IL15RA: variants seen among roughly 807,000 people sequenced by gnomAD.
IL15RA encodes interleukin-15 receptor subunit alpha.
In IL15RA, 26 loss-of-function variants were observed where a neutral mutation model predicts 24.2. The ratio of observed to expected loss-of-function variants is 1.07; its 90% confidence interval spans 0.79 to 1.49. The LOEUF (loss-of-function observed/expected upper bound fraction) is 1.49. Ranked by LOEUF, IL15RA falls within the 40% of genes most tolerant of loss-of-function variation. The probability of loss-of-function intolerance (pLI) is 0.00; values close to 1 mark genes in which losing one functional copy is unlikely to be tolerated. For synonymous variants in IL15RA, 166 were observed against 157.6 expected, an observed-to-expected ratio of 1.05 and a Z score of -0.40; for missense variants, 354 against 356.4, an observed-to-expected ratio of 0.99 and a Z score of 0.05.
chr10:5,965,332 G>C lies in IL15RA; in HGVS notation c.283+813C>G, dbSNP rs1427407574. On this transcript the variant is annotated intron_variant, in intron 2 of 6. Coordinates refer to ENST00000379977, the MANE Select transcript of IL15RA (RefSeq NM_002189.4). The surrounding 1 kb of genome is among the most constrained non-coding windows in gnomAD (Gnocchi z 5.8). The stretch of plus-strand genomic sequence containing the variant: ...TGCTCCAGGGCCTGTGCCCATCCCC[G>C]GGGCTGGGTACTGAGAGAGGAGCAG... 6.6e-6 allele frequency among the ~76,000 whole-genome samples: 1 copy of C among 152,206 alleles called. No homozygotes were observed. The highest frequency in any genetic ancestry group is 1.9e-4 in the East Asian group (1 of 5,200).
At position 5,957,591 on chromosome 10, in the gene IL15RA, TTC is replaced by T. The variant is rs1257226572; in HGVS notation, c.617-1139_617-1138del. 1.3e-4 allele frequency among the ~76,000 whole-genome samples: 15 copies of T among 113,716 alleles called. No homozygotes were observed. In the East Asian group the frequency reaches 1.4e-3, roughly 10 times the overall value. The allele number at this position is 113,716 out of a possible 152,430, so 74.6% of individuals were successfully genotyped here. A position where few individuals can be genotyped will look rare whatever the true frequency, so the allele number is the denominator to read the frequency against. On this transcript the variant is annotated intron_variant, in intron 5 of 6. Transcript: ENST00000379977. The stretch of plus-strand genomic sequence containing the variant: ...GCCTGGCCAACTTTTTCTTTTCTTC[TTC>T]TTTTTTTTTTTTTTTCTGCGACGGA...
Position 5,962,730 on chromosome 10 carries a change from C to G in IL15RA, c.382+1013G>C, listed in dbSNP as rs1835809495. 6.6e-6 allele frequency among the ~76,000 whole-genome samples: 1 copy of G among 152,128 alleles called. No individual in the cohort carries two copies. Among genetic ancestry groups the G allele is most frequent in the Non-Finnish European group, 1.5e-5 (1 of 68,030 alleles). On this transcript the variant is annotated intron_variant, in intron 3 of 6. Coordinates refer to ENST00000379977, the MANE Select transcript of IL15RA (RefSeq NM_002189.4). The surrounding 1 kb of genome is among the most constrained non-coding windows in gnomAD (Gnocchi z 5.2). ...GACACTCCGCAAAGGATGGCTGAGT[C>G]CTGTAGTATGAATGACAACAGACAG...
downstream of IL15RA, among the ~76,000 whole-genome samples, chr10:5,951,274 G>T (rs1380255295): frequency 1.3e-5 from 2 of 151,532 alleles, no homozygotes; most frequent in South Asian, 4.2e-4. Flanking sequence ...AGTGAGCCAA[G>T]ATTGCATCAC....
Position 5,958,167 on chromosome 10 carries a change from C to A in IL15RA, c.616+1587G>T, listed in dbSNP as rs1445108187. 3.1e-6 allele frequency: 1 copy of A among 325,918 alleles called. No individual in the cohort carries two copies. The highest frequency in any genetic ancestry group is 2.4e-5 in the South Asian group (1 of 42,168). The allele number at this position is 325,918 out of a possible 1,614,324, so 20.2% of individuals were successfully genotyped here. A position where few individuals can be genotyped will look rare whatever the true frequency, so the allele number is the denominator to read the frequency against. ...TGGAATATTCTGTAGCTGTTAAAAACGATGAGATGGTTTTTGTGTCCTGAT... is the reference window on the plus strand; with the variant it reads ...TGGAATATTCTGTAGCTGTTAAAAAAGATGAGATGGTTTTTGTGTCCTGAT... On this transcript the variant is annotated intron_variant, in intron 5 of 6. Transcript: ENST00000379977. This position sits in a 1 kb window ranked among gnomAD's most constrained non-coding sequence, Gnocchi z 4.3.
Position 5,967,240 on chromosome 10 carries a change from C to G in IL15RA, c.89-901G>C, listed in dbSNP as rs1836731844. Among the ~76,000 whole-genome samples the G allele has an allele frequency of 6.6e-6, 1 of 152,184 alleles. No individual in the cohort carries two copies. Among genetic ancestry groups the G allele is most frequent in the Non-Finnish European group, 1.5e-5 (1 of 68,028 alleles). On this transcript the variant is annotated intron_variant, in intron 1 of 6. Coordinates refer to ENST00000379977, the MANE Select transcript of IL15RA (RefSeq NM_002189.4). The surrounding 1 kb of genome is among the most constrained non-coding windows in gnomAD (Gnocchi z 4.4). ...TTCTTTTTTGAGACGGAGTTTCACT[C>G]TGTCACCAGGCTGGAGTGCAGTGGC...
rs1158959366 is a variant in IL15RA, at chr10:5,960,704, G to A, written c.383-137C>T. On this transcript the variant is annotated intron_variant, in intron 3 of 6. Transcript: ENST00000379977. The surrounding 1 kb of genome is among the most constrained non-coding windows in gnomAD (Gnocchi z 5.1). ...CCTCTCTCACAGCCAACTGCTCCTT[G>A]AGAGGGTGACATAGCCGTTCCTCTG... The A allele has an allele frequency of 1.4e-6, 1 of 712,530 alleles. No individual in the cohort carries two copies. The highest frequency in any genetic ancestry group is 2.5e-6 in the Non-Finnish European group (1 of 403,624). The allele number at this position is 712,530 out of a possible 1,614,324, so 44.1% of individuals were successfully genotyped here.
rs1240498176 is a variant in IL15RA, at chr10:5,971,737, A to T, written c.89-5398T>A. 6.6e-6 allele frequency among the ~76,000 whole-genome samples: 1 copy of T among 152,200 alleles called. No homozygotes were observed. The highest frequency in any genetic ancestry group is 2.4e-5 in the African/African-American group (1 of 41,450). ...CTTCCTTCCTTATTTTCCCCGCTGA[A>T]ATGTCAGCCAAGTCAACACACTTCC... is the stretch of plus-strand genomic sequence containing the variant. On this transcript the variant is annotated intron_variant, in intron 1 of 6. Coordinates refer to ENST00000379977, the MANE Select transcript of IL15RA (RefSeq NM_002189.4). This position sits in a 1 kb window ranked among gnomAD's most constrained non-coding sequence, Gnocchi z 5.5.
rs554635029 is a variant in IL15RA, at chr10:5,967,942, C to G, written c.89-1603G>C. Among the ~76,000 whole-genome samples the G allele has an allele frequency of 6.6e-6, 1 of 151,894 alleles. No individual in the cohort carries two copies. Among genetic ancestry groups the G allele is most frequent in the Non-Finnish European group, 1.5e-5 (1 of 67,986 alleles). On this transcript the variant is annotated intron_variant, in intron 1 of 6. Coordinates refer to ENST00000379977, the MANE Select transcript of IL15RA (RefSeq NM_002189.4). The surrounding 1 kb of genome is among the most constrained non-coding windows in gnomAD (Gnocchi z 4.4). ...GATGTGGTGGTGGGCGCCTGTAATC[C>G]CAGCTACTCAGGAGGCTGAGGCAGG...
In IL15RA at chr10:5,953,218, G is replaced by T; in HGVS notation, c.693-12C>A. The T allele has an allele frequency of 6.2e-7, 1 of 1,602,422 alleles. No individual in the cohort carries two copies. The highest frequency in any genetic ancestry group is 8.6e-7 in the Non-Finnish European group (1 of 1,169,272). ...GCGGGGGAGTTTGCCTGCAAAGCAG[G>T]TGGTTCATAGGTTTTGAAAAGAGGA... is the stretch of plus-strand genomic sequence containing the variant. On this transcript the variant is annotated splice_polypyrimidine_tract_variant and intron_variant, in intron 6 of 6. Transcript: ENST00000379977. The surrounding 1 kb of genome is among the most constrained non-coding windows in gnomAD (Gnocchi z 5.3).
At chr10:5,951,894 G>T (rs1488522037), downstream of IL15RA, among the ~76,000 whole-genome samples, 8 of 152,040 alleles carry the variant, frequency 5.3e-5, no homozygotes, top group Non-Finnish European at 1.2e-4. Context: ...TCCTGGGCTC[G>T]ATCAATCCTC....
At position 5,974,520 on chromosome 10, in the gene IL15RA, C is replaced by T. The variant is rs532124380; in HGVS notation, c.88+2885G>A. Among the ~76,000 whole-genome samples, 13 of 152,296 alleles carry T rather than the reference C, an allele frequency of 8.5e-5. No individual in the cohort carries two copies. The South Asian group carries it at 2.5e-3, about 29-fold the overall frequency. On this transcript the variant is annotated intron_variant, in intron 1 of 6. Coordinates refer to ENST00000379977, the MANE Select transcript of IL15RA (RefSeq NM_002189.4). ...GTGAAGGAACTGGAACTTCCCTACA[C>T]TGCTGTGGGAATGTAAAATCGTATA... is the stretch of plus-strand genomic sequence containing the variant.
In IL15RA at chr10:5,977,436, C is replaced by T. The variant is rs1296843569; in HGVS notation, c.57G>A (p.Leu19=). 5 of 1,363,804 alleles carry T rather than the reference C, an allele frequency of 3.7e-6. No homozygotes were observed. Among genetic ancestry groups the T allele is most frequent in the Non-Finnish European group, 3.8e-6 (4 of 1,061,150 alleles). The allele number at this position is 1,363,804 out of a possible 1,614,324, so 84.5% of individuals were successfully genotyped here. Residue 19 remains leucine (L), a synonymous_variant, in exon 1 of 7, where the codon CTG becomes CTA. Transcript: ENST00000379977. ...TCGCCGGCGGCCGGAGCAGCAGCAG[C>T]AGTAGCAGCGCCGGGAGACCGAGGG... ...CRTLGLPALL[L]LLLLRPPATR...
rs1836955938 is a variant in IL15RA at position 5,968,324 on chromosome 10, C to T, written c.89-1985G>A. ...ACCTCTGCTCTTGCTTCTGAAGGAT[C>T]CTGTACCAGGCAGGCTGGGGGCAGG... On this transcript the variant is annotated intron_variant, in intron 1 of 6. Transcript: ENST00000379977. This position sits in a 1 kb window ranked among gnomAD's most constrained non-coding sequence, Gnocchi z 5.4. Among the ~76,000 whole-genome samples the T allele has an allele frequency of 6.6e-6, 1 of 152,176 alleles. No homozygotes were observed. Among genetic ancestry groups the T allele is most frequent in the South Asian group, 2.1e-4 (1 of 4,824 alleles).
chr10:5,953,169 T>C lies in IL15RA; in HGVS notation c.730A>G (p.Met244Val). ...PPLASVEMEA[M>V]EALPVTWGTS... The stretch of plus-strand genomic sequence containing the variant: ...CCCCAAGTCACCGGCAGAGCCTCCA[T>C]GGCTTCCATTTCAACGCTGGCCAGC... Residue 244 changes from methionine (M) to valine (V), a missense_variant, in exon 7 of 7, where the codon ATG (methionine) becomes GTG (valine). Coordinates refer to ENST00000379977, the MANE Select transcript of IL15RA (RefSeq NM_002189.4). The surrounding 1 kb of genome is among the most constrained non-coding windows in gnomAD (Gnocchi z 5.3). 2 of 1,614,240 alleles carry C rather than the reference T, an allele frequency of 1.2e-6. No individual in the cohort carries two copies. Among genetic ancestry groups the C allele is most frequent in the Non-Finnish European group, 1.7e-6 (2 of 1,180,028 alleles).
Position 5,965,421 on chromosome 10 carries a change from T to C in IL15RA, c.283+724A>G, listed in dbSNP as rs1283360663. Reference sequence around the variant, plus strand: ...AACATTTCTCACACTAGCGTGCTCATGAGTGCCCGCCCAGCTCTGCAGCCA... The same window carrying C: ...AACATTTCTCACACTAGCGTGCTCACGAGTGCCCGCCCAGCTCTGCAGCCA... On this transcript the variant is annotated intron_variant, in intron 2 of 6. Transcript: ENST00000379977. This position sits in a 1 kb window ranked among gnomAD's most constrained non-coding sequence, Gnocchi z 5.8. Among the ~76,000 whole-genome samples the C allele has an allele frequency of 6.6e-6, 1 of 152,238 alleles. No individual in the cohort carries two copies. Among genetic ancestry groups the C allele is most frequent in the Non-Finnish European group, 1.5e-5 (1 of 68,040 alleles).
rs964346265 is a variant in IL15RA, at chr10:5,964,799, G to A, written c.284-958C>T. 1.3e-5 allele frequency among the ~76,000 whole-genome samples: 2 copies of A among 152,224 alleles called. No individual in the cohort carries two copies. The highest frequency in any genetic ancestry group is 4.8e-5 in the African/African-American group (2 of 41,448). ...TCCAGGGAGTCCCAGGACTGGCAGA[G>A]TAAGACCCACCGTGGTTCCCACAGA... On this transcript the variant is annotated intron_variant, in intron 2 of 6. Coordinates refer to ENST00000379977, the MANE Select transcript of IL15RA (RefSeq NM_002189.4). This position sits in a 1 kb window ranked among gnomAD's most constrained non-coding sequence, Gnocchi z 5.6.
At chr10:5,972,270 A>T (rs1308172994) in intron 1 of IL15RA, among the ~76,000 whole-genome samples, 2 of 152,214 alleles carry the variant, frequency 1.3e-5, no homozygotes, top group Non-Finnish European at 2.9e-5. Flanking sequence ...TTCAAATCAC[A>T]TCAACTATGT....
intron 5 of IL15RA, 48 bp from the exon 6 acceptor site, chr10:5,956,502 C>A (rs767438057): frequency 7.5e-5 from 103 of 1,376,730 alleles, no homozygotes; most frequent in East Asian, 1.6e-4. Flanking sequence ...ACATTCATTG[C>A]TACGAACCAC....
intron 5 of IL15RA, among the ~76,000 whole-genome samples, 158 bp from the exon 6 acceptor site, chr10:5,956,612 C>A (rs184294734): frequency 1.3e-5 from 2 of 152,334 alleles, no homozygotes; most frequent in African/African-American, 4.8e-5. Flanking sequence ...TCCCCCGATT[C>A]TATGTCTAGG....
Sources: allele counts gnomAD v4.1 joint callset (sites outside exome capture counted in the v4.1 genomes callset), GRCh38; gene constraint gnomAD v4.1.1; non-coding constraint Gnocchi (gnomAD v3.1); transcripts MANE v1.5; gene names NCBI Gene and HGNC (gene_info 2026-07-23, HGNC 2026-07-21).